CYP4A22: variants seen among roughly 807,000 people sequenced by gnomAD.
CYP4A22 encodes the protein cytochrome P450 4A22.
CYP4A22 carries 46 observed loss-of-function variants against 56.2 expected under a neutral mutation model. The observed-to-expected ratio is 0.82, with a 90% CI of 0.65 to 1.05. The LOEUF (loss-of-function observed/expected upper bound fraction) is 1.05, where lower values mean the gene tolerates loss of function less well. Ranked by LOEUF, CYP4A22 falls within the 50% of genes least tolerant of loss-of-function variation. The pLI is 0.00. For missense variants in CYP4A22, 541 were observed against 645.9 expected (o/e 0.84, Z 1.76); for synonymous variants, 193 against 251.1 (o/e 0.77, Z 2.19).
rs2148554483 is a variant in CYP4A22, at chr1:47,140,762, G to C, written c.196-18G>C. ...TAGAAGTAAATGAAAGTGTTCATCT[G>C]TCTACCCTCGTTGACAGTTCCAACA... On this transcript the variant is annotated intron_variant, in intron 1 of 11. Coordinates refer to ENST00000371891, the MANE Select transcript of CYP4A22 (RefSeq NM_001010969.4). 1 of 1,613,834 alleles carries C rather than the reference G, an allele frequency of 6.2e-7. No homozygotes were observed. The highest frequency in any genetic ancestry group is 8.5e-7 in the Non-Finnish European group (1 of 1,179,816).
chr1:47,142,483 T>A (rs1645023498), intron 4 of CYP4A22, among the ~76,000 whole-genome samples: 1 of 152,224 alleles, frequency 6.6e-6, no homozygotes, highest in South Asian at 2.1e-4. Context: ...CACAAGGCCC[T>A]TCTCCTCCCA....
rs527361605 is a variant in CYP4A22 at position 47,140,685 on chromosome 1, C to T, written c.196-95C>T. ...CAGAAACAGATCTAAATCCCTAACC[C>T]GTGCTACATGGCTCCTGTAGTTGTC... On this transcript the variant is annotated intron_variant, in intron 1 of 11. Coordinates refer to ENST00000371891, the MANE Select transcript of CYP4A22 (RefSeq NM_001010969.4). The T allele has an allele frequency of 2.2e-5, 34 of 1,540,996 alleles. No individual in the cohort carries two copies. In the African/African-American group the frequency reaches 2.3e-4, roughly 10 times the overall value.
intron 2 of CYP4A22, 98 bp downstream of exon 2, chr1:47,141,019 C>T: frequency 6.5e-7 from 1 of 1,545,012 alleles, no homozygotes. Context: ...GTTCAAACAT[C>T]AATATCTGAA....
At chr1:47,142,469 T>G (rs147476603) in intron 4 of CYP4A22, among the ~76,000 whole-genome samples, 45 of 152,352 alleles carry the variant, frequency 3.0e-4, no homozygotes, top group African/African-American at 1.1e-3. Flanking sequence ...AGATTCATGG[T>G]GAACACAAGG....
chr1:47,139,287 G>C (rs12027643), intron 1 of CYP4A22, among the ~76,000 whole-genome samples: 21,269 of 152,198 alleles, frequency 0.14, 1,581 homozygotes, highest in South Asian at 0.25. Context: ...CAAGAGGCCA[G>C]AGCAGTGTTA....
chr1:47,142,109 G>A lies in CYP4A22; in HGVS notation c.384G>A (p.Gly128=). The change falls in exon 4 of 12, where the codon GGG becomes GGA. Residue 128 remains glycine (G), a splice_region_variant and synonymous_variant. Transcript: ENST00000371891. ...TACACATATTCGTGTCTACCTTAGGGTACGGCTTGCTCCTGTTGAATGGGC... is the reference window on the plus strand; with the variant it reads ...TACACATATTCGTGTCTACCTTAGGATACGGCTTGCTCCTGTTGAATGGGC... ...GSYKFLAPRI[G]YGLLLLNGQT... is the part of the protein sequence containing the mutation. 6.2e-7 allele frequency: 1 copy of A among 1,612,374 alleles called. No homozygotes were observed. Among genetic ancestry groups the A allele is most frequent in the Non-Finnish European group, 8.5e-7 (1 of 1,179,158 alleles).
chr1:47,147,267 C>T, intron 11 of CYP4A22: 1 of 985,466 alleles, frequency 1.0e-6, no homozygotes, highest in Non-Finnish European at 1.2e-6. Context: ...AATCATGTCG[C>T]TGCCACTAGA....
In CYP4A22 at chr1:47,143,844, G is replaced by A. The variant is rs143425502; in HGVS notation, c.718G>A (p.Asp240Asn). ...TATGAGGAATGCCTTTCATGAGAATGACACCATCTACAGCCTGACCTCTGC... is the reference window on the plus strand; with the variant it reads ...TATGAGGAATGCCTTTCATGAGAATAACACCATCTACAGCCTGACCTCTGC... ...CCMRNAFHEN[D>N]TIYSLTSAGR... The change falls in exon 6 of 12, where the codon GAC becomes AAC. Residue 240 changes from aspartate (D) to asparagine (N), a missense_variant. Asp to Asn is a conservative substitution (Grantham distance 23). Transcript: ENST00000371891. 26 of 1,614,028 alleles carry A rather than the reference G, an allele frequency of 1.6e-5. No homozygotes were observed. The highest frequency in any genetic ancestry group is 2.7e-5 in the African/African-American group (2 of 74,924).
At chr1:47,146,175 T>C (rs1251626489) in intron 11 of CYP4A22, 22 bp downstream of exon 11, 2 of 1,614,042 alleles carry the variant, frequency 1.2e-6, no homozygotes, top group East Asian at 4.5e-5. Flanking sequence ...TGTGTGGTAA[T>C]TGGAATAGAG....
Position 47,148,985 on chromosome 1 carries a change from C to T in CYP4A22, c.*188C>T. On this transcript the variant is annotated 3_prime_UTR_variant, in exon 12 of 12. Transcript: ENST00000371891. The stretch of plus-strand genomic sequence containing the variant: ...TGCTTGTCTACCTGTCTCCTACCCA[C>T]CTGTATATCTTGTTGGGAGAAAAGC... 1 of 609,440 alleles carries T rather than the reference C, an allele frequency of 1.6e-6. No individual in the cohort carries two copies. The highest frequency in any genetic ancestry group is 2.7e-6 in the Non-Finnish European group (1 of 372,676). The allele number at this position is 609,440 out of a possible 1,614,324, so 37.8% of individuals were successfully genotyped here. A position where few individuals can be genotyped will look rare whatever the true frequency, so the allele number is the denominator to read the frequency against.
intron 1 of CYP4A22, among the ~76,000 whole-genome samples, chr1:47,139,964 T>C (rs570325446): frequency 2.0e-5 from 3 of 151,946 alleles, no homozygotes; most frequent in Non-Finnish European, 2.9e-5. Flanking sequence ...AGCTGGTGTG[T>C]GAATCAGCAG....
In CYP4A22 at chr1:47,137,584, G is replaced by C. The variant is rs141897799; in HGVS notation, c.99G>C (p.Lys33Asn). Reference sequence around the variant, plus strand: ...TCATTCTGCTTCTGCTGCTGATCAAGGCAGCTCAGCTCTACCTGCATAGGC... The same window carrying C: ...TCATTCTGCTTCTGCTGCTGATCAACGCAGCTCAGCTCTACCTGCATAGGC... ...SLLILLLLLIKAAQLYLHRQW... is the reference protein window; with the variant it reads ...SLLILLLLLINAAQLYLHRQW... The change falls in exon 1 of 12, where the codon AAG becomes AAC. Residue 33 changes from lysine (K) to asparagine (N), a missense_variant. Coordinates refer to ENST00000371891, the MANE Select transcript of CYP4A22 (RefSeq NM_001010969.4). 817 of 1,614,192 alleles carry C rather than the reference G, an allele frequency of 5.1e-4. 3 individuals are homozygous for C. The African/African-American group carries it at 9.8e-3, about 19-fold the overall frequency.
Position 47,148,973 on chromosome 1 carries a change from G to A in CYP4A22, c.*176G>A. The A allele has an allele frequency of 6.0e-6, 4 of 667,738 alleles. No homozygotes were observed. Among genetic ancestry groups the A allele is most frequent in the Non-Finnish European group, 9.5e-6 (4 of 419,874 alleles). 41.4% of individuals were successfully genotyped at this position (667,738 alleles called of 1,614,324 possible). A position where few individuals can be genotyped will look rare whatever the true frequency, so the allele number is the denominator to read the frequency against. On this transcript the variant is annotated 3_prime_UTR_variant, in exon 12 of 12. Transcript: ENST00000371891. ...AAGCTCCCTACCTGCTTGTCTACCT[G>A]TCTCCTACCCACCTGTATATCTTGT...
chr1:47,143,957 C>A (rs1258778663), intron 6 of CYP4A22, 41 bp downstream of exon 6: 2 of 1,579,716 alleles, frequency 1.3e-6, no homozygotes, highest in Admixed American at 3.5e-5. Context: ...TTCCCAGGCA[C>A]AGTGAAAGTA....
chr1:47,141,796 G>A (rs559592734), intron 3 of CYP4A22, among the ~76,000 whole-genome samples, 181 bp downstream of exon 3: 2 of 152,236 alleles, frequency 1.3e-5, no homozygotes, highest in South Asian at 4.2e-4. Flanking sequence ...ACCTTCCTGA[G>A]GCTCAGCTTC....
chr1:47,146,696 C>T (rs1463770017), intron 11 of CYP4A22: 11 of 990,618 alleles, frequency 1.1e-5, no homozygotes, highest in Non-Finnish European at 1.3e-5. Flanking sequence ...GTTAAGGTAG[C>T]CCTTTGAAGA....
intron 1 of CYP4A22, among the ~76,000 whole-genome samples, chr1:47,139,729 C>G (rs2148553629): frequency 6.6e-6 from 1 of 152,294 alleles, no homozygotes; most frequent in South Asian, 2.1e-4. Flanking sequence ...ACATTAGATA[C>G]TTATGTGGTA....
chr1:47,147,241 G>C, intron 11 of CYP4A22: 5 of 985,484 alleles, frequency 5.1e-6, no homozygotes, highest in Non-Finnish European at 6.0e-6. Context: ...GGAAGTCCTT[G>C]TAAACATTGC....
At chr1:47,145,807 G>A (rs566113823) in intron 9 of CYP4A22, 59 bp from the exon 10 acceptor site, 4 of 1,609,296 alleles carry the variant, frequency 2.5e-6, no homozygotes, top group African/African-American at 2.7e-5. Flanking sequence ...GCAGGCTGAA[G>A]TACCAGGCCA....
Sources: allele counts gnomAD v4.1 joint callset (sites outside exome capture counted in the v4.1 genomes callset), GRCh38; gene constraint gnomAD v4.1.1; transcripts MANE v1.5; gene names NCBI Gene and HGNC (gene_info 2026-07-23, HGNC 2026-07-21).